GCAT: variants seen among roughly 807,000 people sequenced by gnomAD.
The protein encoded by GCAT is 2-amino-3-ketobutyrate coenzyme A ligase, mitochondrial.
In GCAT, 26 loss-of-function variants were observed where a neutral mutation model predicts 39.7. That is an observed-to-expected ratio of 0.65 (90% confidence interval 0.48 to 0.91). GCAT has a LOEUF of 0.91. GCAT is among the 40% of genes least tolerant of loss of function. The pLI is 0.00. For missense variants in GCAT, 550 were observed against 576.2 expected, an observed-to-expected ratio of 0.95 and a Z score of 0.47; for synonymous variants, 218 against 237.2, an observed-to-expected ratio of 0.92 and a Z score of 0.74.
chr22:37,814,531 G>A (rs1042421009), intron 4 of GCAT, among the ~76,000 whole-genome samples: 16 of 152,166 alleles, frequency 1.1e-4, no homozygotes, highest in Non-Finnish European at 1.5e-4. Flanking sequence ...CCAAAGTGTT[G>A]GGATTACAGG....
intron 1 of GCAT, among the ~76,000 whole-genome samples, chr22:37,808,555 G>A (rs961170899): frequency 2.8e-4 from 43 of 152,254 alleles, no homozygotes; most frequent in Admixed American, 9.2e-4. Context: ...GAATATTGGA[G>A]CTGGAACATT....
chr22:37,810,539 T>C (rs1258225257), intron 2 of GCAT, among the ~76,000 whole-genome samples: 1 of 124,766 alleles, frequency 8.0e-6, no homozygotes, highest in African/African-American at 3.1e-5. Flanking sequence ...TTTTTTGAGA[T>C]GGAGTCTCGC....
intron 2 of GCAT, among the ~76,000 whole-genome samples, chr22:37,812,088 T>C (rs974423239): frequency 4.0e-5 from 6 of 151,768 alleles, no homozygotes; most frequent in African/African-American, 1.5e-4. Context: ...CCCAATACTT[T>C]TGGAGCCCAA....
At chr22:37,813,210 C>T (rs1490783984) in intron 3 of GCAT, 4 of 652,112 alleles carry the variant, frequency 6.1e-6, no homozygotes, top group Admixed American at 4.8e-5. Flanking sequence ...TAAGCTACAT[C>T]AGCTGGAAGG....
chr22:37,812,805 TG>T, intron 2 of GCAT, 81 bp from the exon 3 acceptor site: 3 of 930,200 alleles, frequency 3.2e-6, no homozygotes, highest in Non-Finnish European at 5.3e-6. Context: ...TGGGTCTCTG[TG>T]GTCCTCCAAG....
At chr22:37,816,406 C>T (rs1251073279) in intron 8 of GCAT, 85 bp downstream of exon 8, 2 of 1,553,290 alleles carry the variant, frequency 1.3e-6, no homozygotes, top group Non-Finnish European at 8.7e-7. Context: ...AGCCCCGTAC[C>T]CAGCCACGCT....
chr22:37,816,751 G>A lies in GCAT; in HGVS notation c.*33G>A, dbSNP rs747052284. 1.8e-5 allele frequency: 29 copies of A among 1,610,832 alleles called. No homozygotes were observed. The highest frequency in any genetic ancestry group is 2.0e-5 in the Non-Finnish European group (24 of 1,178,012). Reference sequence around the variant, plus strand: ...GTAAGGACGAGAAGAGCCAAGGTCCGCCTACTGCCACAGGGTCAAAGGAGG... The same window carrying A: ...GTAAGGACGAGAAGAGCCAAGGTCCACCTACTGCCACAGGGTCAAAGGAGG... On this transcript the variant is annotated 3_prime_UTR_variant, in exon 9 of 9. Coordinates refer to ENST00000248924, the MANE Select transcript of GCAT (RefSeq NM_014291.4).
In GCAT at chr22:37,816,413, C is replaced by T. The variant is rs926412106; in HGVS notation, c.1108+92C>T. On this transcript the variant is annotated intron_variant, in intron 8 of 8. Coordinates refer to ENST00000248924, the MANE Select transcript of GCAT (RefSeq NM_014291.4). ...TGTGACCCAGCCCCGTACCCAGCCACGCTGCGGCCTCTTAGGCCAGCTGTC... is the reference window on the plus strand; with the variant it reads ...TGTGACCCAGCCCCGTACCCAGCCATGCTGCGGCCTCTTAGGCCAGCTGTC... 23 of 1,543,166 alleles carry T rather than the reference C, an allele frequency of 1.5e-5. 1 individual carries two copies. Among genetic ancestry groups the T allele is most frequent in the Middle Eastern group, 1.8e-4 (1 of 5,468 alleles).
At chr22:37,810,219 G>T in intron 2 of GCAT, 62 bp downstream of exon 2, 1 of 1,285,216 alleles carries the variant, frequency 7.8e-7, no homozygotes, top group Non-Finnish European at 1.1e-6. Context: ...CCCACAGTCA[G>T]CAAGGCTGGT....
intron 2 of GCAT, among the ~76,000 whole-genome samples, chr22:37,812,206 G>A (rs529947320): frequency 1.8e-4 from 27 of 152,044 alleles, no homozygotes; most frequent in African/African-American, 5.8e-4. Flanking sequence ...GTGTGGTGGT[G>A]CGCACCTGTA....
At chr22:37,808,231 G>T (rs1405780038) in intron 1 of GCAT, 68 bp downstream of exon 1, 3 of 1,266,558 alleles carry the variant, frequency 2.4e-6, no homozygotes, top group Non-Finnish European at 3.2e-6. Flanking sequence ...AGGTCCTGGA[G>T]GTGGGGGTGG....
intron 3 of GCAT, 185 bp from the exon 4 acceptor site, chr22:37,813,278 G>C: frequency 1.4e-6 from 1 of 729,142 alleles, no homozygotes; most frequent in Non-Finnish European, 2.5e-6. Context: ...TCTTACTAGA[G>C]CAGGGCGCTG....
chr22:37,812,814 A>C (rs974065402), intron 2 of GCAT, 73 bp from the exon 3 acceptor site: 1 of 1,042,024 alleles, frequency 9.6e-7, no homozygotes, highest in African/African-American at 1.6e-5. Context: ...GTGGTCCTCC[A>C]AGCCTCTGTC....
intron 2 of GCAT, among the ~76,000 whole-genome samples, chr22:37,810,599 T>C (rs1476089848): frequency 6.7e-6 from 1 of 148,514 alleles, no homozygotes; most frequent in African/African-American, 2.5e-5. Flanking sequence ...TACTGCAAGC[T>C]GCGCCTCCCA....
intron 6 of GCAT, 21 bp from the exon 7 acceptor site, chr22:37,815,642 C>A (rs112320859): frequency 1.3e-6 from 2 of 1,580,486 alleles, no homozygotes; most frequent in East Asian, 2.2e-5. Context: ...CCCCTCCCCC[C>A]ACCTCTTCCC....
At chr22:37,812,203 G>A (rs1921675795) in intron 2 of GCAT, among the ~76,000 whole-genome samples, 1 of 151,976 alleles carries the variant, frequency 6.6e-6, no homozygotes, top group Non-Finnish European at 1.5e-5. Flanking sequence ...TGGGTGTGGT[G>A]GTGCGCACCT....
rs766643839 is a variant in GCAT at position 37,815,809 on chromosome 22, C to T, written c.961C>T (p.Gln321Ter). ...GCTGATGGGGAGTAACACCATTGTCCAGTCTATGGCTGCCAAGACCCAGAG... is the reference window on the plus strand; with the variant it reads ...GCTGATGGGGAGTAACACCATTGTCTAGTCTATGGCTGCCAAGACCCAGAG... ...DLLMGSNTIV[Q>*]SMAAKTQRFR... Residue 321 changes from glutamine to a stop codon, truncating the protein, a stop_gained, in exon 7 of 9, where the codon CAG becomes TAG. Coordinates refer to ENST00000248924, the MANE Select transcript of GCAT (RefSeq NM_014291.4). LOFTEE classifies it high-confidence loss of function. 7.2e-5 allele frequency: 117 copies of T among 1,614,038 alleles called. No homozygotes were observed. The highest frequency in any genetic ancestry group is 8.9e-5 in the East Asian group (4 of 44,886).
chr22:37,810,093 G>T lies in GCAT; in HGVS notation c.263G>T (p.Gly88Val). 1.2e-6 allele frequency: 2 copies of T among 1,614,178 alleles called. No individual in the cohort carries two copies. Among genetic ancestry groups the T allele is most frequent in the Non-Finnish European group, 1.7e-6 (2 of 1,179,996 alleles). ...AGCCACCCTGAGGTGATCCAGGCAGGTCTGCAGGCTCTGGAGGAGTTTGGA... is the reference window on the plus strand; with the variant it reads ...AGCCACCCTGAGGTGATCCAGGCAGTTCTGCAGGCTCTGGAGGAGTTTGGA... ...LSSHPEVIQAGLQALEEFGAG... is the reference protein window; with the variant it reads ...LSSHPEVIQAVLQALEEFGAG... The change falls in exon 2 of 9, where the codon GGT (glycine) becomes GTT (valine). Residue 88 changes from glycine (G) to valine (V), a missense_variant. Physicochemically the swap from Gly to Val is moderately radical, Grantham distance 109. Around this residue, in one of 3 missense-constraint regions of GCAT, gnomAD observed 154 missense variants for 141.9 expected, o/e 1.08. Coordinates refer to ENST00000248924, the MANE Select transcript of GCAT (RefSeq NM_014291.4).
Position 37,816,809 on chromosome 22 carries a change from C to T in GCAT, c.*91C>T. 3 of 1,349,832 alleles carry T rather than the reference C, an allele frequency of 2.2e-6. No homozygotes were observed. Among genetic ancestry groups the T allele is most frequent in the African/African-American group, 1.4e-5 (1 of 69,472 alleles). The allele number at this position is 1,349,832 out of a possible 1,614,324, so 83.6% of individuals were successfully genotyped here. A position where few individuals can be genotyped will look rare whatever the true frequency, so the allele number is the denominator to read the frequency against. The stretch of plus-strand genomic sequence containing the variant: ...TCAGCCCAGACCAGAGGCTCTGAGC[C>T]CTGAACCAAAGTCCCAGAGCTGGGC... On this transcript the variant is annotated 3_prime_UTR_variant, in exon 9 of 9. Coordinates refer to ENST00000248924, the MANE Select transcript of GCAT (RefSeq NM_014291.4).
Sources: gnomAD v4.1 joint callset for allele counts (sites outside exome capture counted in the v4.1 genomes callset) on GRCh38, gnomAD v4.1.1 for gene constraint, gnomAD v4.1.1 regional missense constraint, MANE v1.5 for transcripts, NCBI Gene and HGNC (gene_info 2026-07-23, HGNC 2026-07-21) for gene names.